Variants in CLEC4F observed in about 807,000 individuals in gnomAD.
CLEC4F encodes the protein C-type lectin domain family 4 member F.
In CLEC4F, 45 loss-of-function variants were observed where a neutral mutation model predicts 53.4. The observed-to-expected ratio is 0.84, with a 90% CI of 0.66 to 1.08. The LOEUF is 1.08. Ranked by LOEUF, CLEC4F falls within the 50% of genes least tolerant of loss-of-function variation. The pLI is 0.00. For missense variants in CLEC4F, 753 were observed against 698.2 expected (o/e 1.08, Z -0.88); for synonymous variants, 245 against 257.5 (o/e 0.95, Z 0.46).
Position 70,816,918 on chromosome 2 carries a change from C to T in CLEC4F, c.463G>A (p.Val155Ile), listed in dbSNP as rs1553396394. ...CTCAATGTAGTGGCATCCTTTAGAACTCCTTTTACCATCTGGATGTCAGCA... is the reference window on the plus strand; with the variant it reads ...CTCAATGTAGTGGCATCCTTTAGAATTCCTTTTACCATCTGGATGTCAGCA... ...TNADIQMVKG[V>I]LKDATTLSLQ... The change falls in exon 4 of 7, where the codon GTT becomes ATT. Residue 155 changes from valine (V) to isoleucine (I), a missense_variant. By Grantham distance (29) the Val-to-Ile change is conservative (BLOSUM62 3). Transcript: ENST00000272367. The T allele has an allele frequency of 1.2e-6, 2 of 1,614,194 alleles. No homozygotes were observed. The highest frequency in any genetic ancestry group is 1.1e-5 in the South Asian group (1 of 91,078).
intron 2 of CLEC4F, 81 bp downstream of exon 2, chr2:70,819,694 A>G: frequency 3.1e-6 from 3 of 979,872 alleles, no homozygotes; most frequent in South Asian, 1.5e-5. Flanking sequence ...AGAGGCCCAG[A>G]GAGTGTGCAT....
upstream of CLEC4F, among the ~76,000 whole-genome samples, chr2:70,824,567 C>G (rs1271274713): frequency 1.6e-5 from 2 of 126,662 alleles, no homozygotes; most frequent in Non-Finnish European, 3.1e-5. Context: ...AGGAAATACT[C>G]AAGATGAGCC....
Position 70,813,617 on chromosome 2 carries a change from T to TCC in CLEC4F, c.1388-1020_1388-1019insGG, listed in dbSNP as rs1553394998. On this transcript the variant is annotated intron_variant, in intron 4 of 6. Coordinates refer to ENST00000272367, the MANE Select transcript of CLEC4F (RefSeq NM_173535.3). ...TCTTTCTCTTTCTTTCTTTCTTTCT[T>TCC]TCTTTCTTTCTTTCTTTCTTTCTTT... Among the ~76,000 whole-genome samples the TCC allele has an allele frequency of 4.5e-3, 662 of 148,322 alleles. 7 individuals carry two copies. The highest frequency in any genetic ancestry group is 0.016 in the African/African-American group (628 of 39,992).
In CLEC4F at chr2:70,819,861, G is replaced by A. The variant is rs1574384756; in HGVS notation, c.92C>T (p.Ala31Val). Residue 31 changes from alanine to valine, a missense_variant, in exon 2 of 7, where the codon GCC (alanine) becomes GTC (valine). Transcript: ENST00000272367. ...EVDSVAMAPA[A>V]PKIPRLVQAT... ...CTGAACGAGCCTCGGTATCTTGGGGGCTGCAGGAGCCATTGCCACAGAGTC... is the reference window on the plus strand; with the variant it reads ...CTGAACGAGCCTCGGTATCTTGGGGACTGCAGGAGCCATTGCCACAGAGTC... 2 of 1,603,082 alleles carry A rather than the reference G, an allele frequency of 1.2e-6. No homozygotes were observed. Among genetic ancestry groups the A allele is most frequent in the African/African-American group, 1.3e-5 (1 of 74,424 alleles).
chr2:70,816,035 T>C lies in CLEC4F; in HGVS notation c.1346A>G (p.His449Arg). 8 of 1,614,194 alleles carry C rather than the reference T, an allele frequency of 5.0e-6. No homozygotes were observed. Among genetic ancestry groups the C allele is most frequent in the Non-Finnish European group, 6.8e-6 (8 of 1,180,040 alleles). Residue 449 changes from histidine (H) to arginine (R), a missense_variant, in exon 4 of 7, where the codon CAT (histidine) becomes CGT (arginine). By Grantham distance (29) the His-to-Arg change is conservative. Coordinates refer to ENST00000272367, the MANE Select transcript of CLEC4F (RefSeq NM_173535.3). ...QQEQSRLKTLHVVITSQEQLQ... is the reference protein window; with the variant it reads ...QQEQSRLKTLRVVITSQEQLQ... ...CTGTTCCTGTGAAGTAATGACCACA[T>C]GGAGGGTCTTCAGGCGACTCTGCTC... is the stretch of plus-strand genomic sequence containing the variant.
intron 3 of CLEC4F, among the ~76,000 whole-genome samples, chr2:70,818,449 C>A (rs550365372): frequency 6.6e-6 from 1 of 152,124 alleles, no homozygotes; most frequent in Non-Finnish European, 1.5e-5. Flanking sequence ...TGGTGGCTCA[C>A]GCCTGTAATC....
upstream of CLEC4F, chr2:70,820,652 T>C (rs1371868884): frequency 2.3e-6 from 2 of 865,822 alleles, no homozygotes; most frequent in Non-Finnish European, 3.5e-6. Context: ...CCCTCCCAGC[T>C]CTTCCTCCCT....
upstream of CLEC4F, among the ~76,000 whole-genome samples, chr2:70,821,256 G>GT (rs1194565965): frequency 3.9e-5 from 6 of 152,132 alleles, no homozygotes; most frequent in Non-Finnish European, 1.5e-5. Context: ...TGACAGGAGT[G>GT]TTTTTTGTTA....
Position 70,808,774 on chromosome 2 carries a change from G to A in CLEC4F, c.*497C>T, listed in dbSNP as rs1676361425. The stretch of plus-strand genomic sequence containing the variant: ...GATGTCACTGGGTCACTCGAGGTAA[G>A]CATGTTTGAAAGGGCTGAATCAAAG... On this transcript the variant is annotated 3_prime_UTR_variant, in exon 7 of 7. Transcript: ENST00000272367. 5.1e-6 allele frequency: 2 copies of A among 392,088 alleles called. No homozygotes were observed. 24.3% of individuals were successfully genotyped at this position (392,088 alleles called of 1,614,324 possible). A position where few individuals can be genotyped will look rare whatever the true frequency, so the allele number is the denominator to read the frequency against.
chr2:70,824,312 C>T (rs1677294733), upstream of CLEC4F, among the ~76,000 whole-genome samples: 1 of 134,956 alleles, frequency 7.4e-6, no homozygotes, highest in South Asian at 2.4e-4. Context: ...CGTTCGTCTC[C>T]TAACTGTTCT....
intron 5 of CLEC4F, among the ~76,000 whole-genome samples, chr2:70,810,643 T>TAAAAAAAAAA (rs1676503122): frequency 1.0e-5 from 1 of 98,732 alleles, no homozygotes; most frequent in African/African-American, 3.8e-5. Flanking sequence ...AAAAAAAAAG[T>TAAAAAAAAAA]ATTTCCCATT....
intron 3 of CLEC4F, 133 bp from the exon 4 acceptor site, chr2:70,817,245 C>A: frequency 2.2e-6 from 2 of 926,846 alleles, no homozygotes; most frequent in Admixed American, 3.0e-5. Context: ...CCCCCAAGCA[C>A]CCTCCTGGTC....
At chr2:70,823,890 C>T (rs1200731387), upstream of CLEC4F, among the ~76,000 whole-genome samples, 2 of 151,864 alleles carry the variant, frequency 1.3e-5, no homozygotes, top group Non-Finnish European at 2.9e-5. Context: ...ACTAACTGGG[C>T]ATGGTGGCAG....
rs1416965280 is a variant in CLEC4F at position 70,816,691 on chromosome 2, A to T, written c.690T>A (p.Asn230Lys). 1 of 1,614,216 alleles carries T rather than the reference A, an allele frequency of 6.2e-7. No homozygotes were observed. The highest frequency in any genetic ancestry group is 1.7e-5 in the Admixed American group (1 of 60,024). Reference sequence around the variant, plus strand: ...GGGTATTTGCCGTTTCCAAACTGGCATTCAACATCTGAATTTCAGAGTTTG... The same window carrying T: ...GGGTATTTGCCGTTTCCAAACTGGCTTTCAACATCTGAATTTCAGAGTTTG... ...ENANSEIQML[N>K]ASLETANTQA... The change falls in exon 4 of 7, where the codon AAT becomes AAA. Residue 230 changes from asparagine (N) to lysine (K), a missense_variant. Asn to Lys is a moderately conservative substitution (Grantham distance 94). Transcript: ENST00000272367.
chr2:70,819,344 T>C lies in CLEC4F; in HGVS notation c.268+11A>G. ...TTCCCTCTGCACCCCACCCCCACTGTGGCTACTCACTGTTGGGTTCAAAAG... is the reference window on the plus strand; with the variant it reads ...TTCCCTCTGCACCCCACCCCCACTGCGGCTACTCACTGTTGGGTTCAAAAG... On this transcript the variant is annotated intron_variant, in intron 3 of 6. Transcript: ENST00000272367. 6.2e-7 allele frequency: 1 copy of C among 1,611,408 alleles called. No individual in the cohort carries two copies. The highest frequency in any genetic ancestry group is 1.3e-5 in the African/African-American group (1 of 74,974).
chr2:70,810,604 G>C (rs1205031079), intron 5 of CLEC4F, among the ~76,000 whole-genome samples: 1 of 107,448 alleles, frequency 9.3e-6, no homozygotes, highest in African/African-American at 3.7e-5. Context: ...GGGCAATAGA[G>C]CGAAACTCTG....
chr2:70,811,296 G>A, intron 5 of CLEC4F: 1 of 1,038,088 alleles, frequency 9.6e-7, no homozygotes, highest in African/African-American at 1.6e-5. Context: ...GCCTTTAGGT[G>A]CTTCAAGAAT....
In CLEC4F at chr2:70,819,892, C is replaced by T. The variant is rs782401387; in HGVS notation, c.62-1G>A. The T allele has an allele frequency of 1.3e-6, 2 of 1,578,480 alleles. No individual in the cohort carries two copies. The highest frequency in any genetic ancestry group is 1.7e-6 in the Non-Finnish European group (2 of 1,163,294). ...GGAGCCATTGCCACAGAGTCCACCT[C>T]TGCAGGGGAGAAGGCAGTGTCCAAG... On this transcript the variant is annotated splice_acceptor_variant, in intron 1 of 6. Transcript: ENST00000272367. LOFTEE classifies it high-confidence loss of function.
In CLEC4F at chr2:70,819,884, G is replaced by A; in HGVS notation, c.69C>T (p.Asp23=). ...QCVSLHPQEV[D]SVAMAPAAPK... ...GGGCTGCAGGAGCCATTGCCACAGA[G>A]TCCACCTCTGCAGGGGAGAAGGCAG... The change falls in exon 2 of 7, where the codon GAC becomes GAT. Residue 23 remains aspartate, a synonymous_variant. Transcript: ENST00000272367. The A allele has an allele frequency of 2.5e-6, 4 of 1,589,620 alleles. No homozygotes were observed. In the South Asian group the frequency reaches 4.6e-5, roughly 18 times the overall value.
Sources: gnomAD v4.1 joint callset for allele counts (sites outside exome capture counted in the v4.1 genomes callset) on GRCh38, gnomAD v4.1.1 for gene constraint, MANE v1.5 for transcripts, NCBI Gene and HGNC (gene_info 2026-07-23, HGNC 2026-07-21) for gene names.